The following CNTN4 variants were observed in gnomAD, a reference collection of about 807,000 sequenced individuals.
CNTN4 encodes the protein contactin-4.
In CNTN4, 77 loss-of-function variants were observed where a neutral mutation model predicts 122.5. That is an observed-to-expected ratio of 0.63 (90% CI 0.52 to 0.76). The LOEUF (loss-of-function observed/expected upper bound fraction) is 0.76, where lower values mean the gene tolerates loss of function less well. Among genes scored for constraint, CNTN4 ranks in the 30% least tolerant of loss-of-function variants. CNTN4 has a pLI of 0.00. For synonymous variants in CNTN4, 512 were observed against 447.0 expected, an observed-to-expected ratio of 1.15 and a Z score of -1.83; for missense variants, 1,256 against 1,259.1, an observed-to-expected ratio of 1.00 and a Z score of 0.04.
intron 15 of CNTN4, among the ~76,000 whole-genome samples, chr3:3,030,565 C>T (rs188029223): frequency 3.3e-5 from 5 of 152,314 alleles, no homozygotes; most frequent in Admixed American, 1.3e-4. Context: ...CACCGTAGTA[C>T]GTAGGACTTA....
intron 4 of CNTN4, among the ~76,000 whole-genome samples, chr3:2,733,571 T>A: frequency 7.2e-6 from 1 of 138,146 alleles, no homozygotes; most frequent in Non-Finnish European, 1.5e-5. Context: ...TCTCACAGCA[T>A]CGCCTGGGCT....
At position 2,745,627 on chromosome 3, in the gene CNTN4, A is replaced by T; in HGVS notation, c.288A>T (p.Gly96=). 6.2e-7 allele frequency: 1 copy of T among 1,614,188 alleles called. No homozygotes were observed. Among genetic ancestry groups the T allele is most frequent in the Non-Finnish European group, 8.5e-7 (1 of 1,179,998 alleles). Reference sequence around the variant, plus strand: ...ACCCCAATAAAACCCAAGATGCTGGAACGTACCAGTGCACAGCGACAAACT... The same window carrying T: ...ACCCCAATAAAACCCAAGATGCTGGTACGTACCAGTGCACAGCGACAAACT... ...INNPNKTQDA[G]TYQCTATNSF... Residue 96 remains glycine (G), a synonymous_variant, in exon 6 of 25, where the codon GGA becomes GGT. Transcript: ENST00000418658.
intron 6 of CNTN4, among the ~76,000 whole-genome samples, chr3:2,759,018 C>G (rs1019768433): frequency 6.6e-6 from 1 of 152,142 alleles, no homozygotes. Context: ...CTGATAACCA[C>G]TAATCTACTG....
At chr3:2,930,806 G>A (rs2094513497) in intron 13 of CNTN4, among the ~76,000 whole-genome samples, 1 of 151,654 alleles carries the variant, frequency 6.6e-6, no homozygotes. Flanking sequence ...TAGAGAGAGA[G>A]AAAAAAAAGG....
chr3:2,551,090 T>C (rs1297506338), intron 3 of CNTN4, among the ~76,000 whole-genome samples: 5 of 151,910 alleles, frequency 3.3e-5, no homozygotes, highest in Non-Finnish European at 4.4e-5. Context: ...ATCCCAGAAC[T>C]TAAAATATAA....
Position 2,125,238 on chromosome 3 carries a change from A to G in CNTN4, c.-145+24599A>G, listed in dbSNP as rs539760217. Among the ~76,000 whole-genome samples, 11 of 151,850 alleles carry G rather than the reference A, an allele frequency of 7.2e-5. No homozygotes were observed. In the South Asian group the frequency reaches 1.2e-3, roughly 17 times the overall value. ...GTATTTAACCTTCTGTAACTGCCTT[A>G]TTTCACTTAGCATACTGTCTTCCAG... is the stretch of plus-strand genomic sequence containing the variant. On this transcript the variant is annotated intron_variant, in intron 2 of 24. Coordinates refer to ENST00000418658, the MANE Select transcript of CNTN4 (RefSeq NM_175607.3).
chr3:2,539,193 T>C (rs948454385), intron 3 of CNTN4, among the ~76,000 whole-genome samples: 3 of 152,044 alleles, frequency 2.0e-5, no homozygotes, highest in Non-Finnish European at 2.9e-5. Context: ...AGGTTGACAA[T>C]TTATTCTTGA....
intron 3 of CNTN4, among the ~76,000 whole-genome samples, chr3:2,341,584 C>G (rs2044212378): frequency 6.6e-6 from 1 of 152,184 alleles, no homozygotes; most frequent in South Asian, 2.1e-4. Flanking sequence ...GATGATGCCC[C>G]TTGGACTCTA....
intron 2 of CNTN4, among the ~76,000 whole-genome samples, chr3:2,222,639 A>C (rs2039105687): frequency 6.6e-6 from 1 of 152,082 alleles, no homozygotes; most frequent in East Asian, 1.9e-4. Flanking sequence ...GGGATATAAG[A>C]ATTTATACGC....
intron 2 of CNTN4, among the ~76,000 whole-genome samples, chr3:2,257,204 A>C (rs1039988503): frequency 1.4e-4 from 22 of 152,250 alleles, no homozygotes; most frequent in Admixed American, 1.1e-3. Context: ...TTCCTTGTTT[A>C]ATAAATGGTG....
chr3:2,501,865 C>T (rs188706858), intron 3 of CNTN4, among the ~76,000 whole-genome samples: 179 of 152,292 alleles, frequency 1.2e-3, no homozygotes, highest in African/African-American at 4.0e-3. Context: ...TAAGCAACCA[C>T]GCATTGTCCA....
At chr3:3,031,072 A>G (rs1559809201) in intron 16 of CNTN4, 97 bp downstream of exon 16, 16 of 1,503,208 alleles carry the variant, frequency 1.1e-5, no homozygotes, top group Admixed American at 5.0e-5. Context: ...GAATTATGGG[A>G]AAAAGTCAGG....
intron 10 of CNTN4, among the ~76,000 whole-genome samples, chr3:2,890,483 A>C (rs976980482): frequency 4.6e-5 from 7 of 152,238 alleles, no homozygotes; most frequent in African/African-American, 1.7e-4. Context: ...TTGAGCTTAG[A>C]AACCTGCTTC....
chr3:2,867,092 A>AT (rs1369456486), intron 8 of CNTN4, 143 bp downstream of exon 8: 1 of 753,148 alleles, frequency 1.3e-6, no homozygotes, highest in African/African-American at 1.7e-5. Context: ...TGGTACCCAT[A>AT]TTTTCTCCAC....
chr3:2,900,114 C>G (rs2094157008), intron 10 of CNTN4, among the ~76,000 whole-genome samples: 1 of 152,184 alleles, frequency 6.6e-6, no homozygotes, highest in African/African-American at 2.4e-5. Context: ...CATTTTCATC[C>G]TATGTAGCTT....
intron 4 of CNTN4, among the ~76,000 whole-genome samples, chr3:2,619,501 T>C (rs2081913140): frequency 2.0e-5 from 3 of 152,240 alleles, no homozygotes; most frequent in Admixed American, 2.0e-4. Context: ...TTATTTTGTG[T>C]TTCTGTTATC....
At chr3:2,411,849 T>C (rs934036873) in intron 3 of CNTN4, among the ~76,000 whole-genome samples, 2 of 152,206 alleles carry the variant, frequency 1.3e-5, no homozygotes, top group South Asian at 2.1e-4. Flanking sequence ...GTATACATAA[T>C]GTAAAAAACC....
intron 2 of CNTN4, among the ~76,000 whole-genome samples, chr3:2,309,585 G>T (rs916529613): frequency 2.0e-5 from 3 of 152,040 alleles, no homozygotes; most frequent in Non-Finnish European, 2.9e-5. Flanking sequence ...CCTTCACATG[G>T]CAGGGAAATG....
intron 6 of CNTN4, among the ~76,000 whole-genome samples, chr3:2,754,701 C>T (rs1176164348): frequency 6.9e-6 from 1 of 143,896 alleles, no homozygotes; most frequent in African/African-American, 2.6e-5. Context: ...TTCAAGCAAG[C>T]AATCTATGAA....
Sources: allele counts gnomAD v4.1 joint callset (sites outside exome capture counted in the v4.1 genomes callset), GRCh38; gene constraint gnomAD v4.1.1; transcripts MANE v1.5; gene names NCBI Gene and HGNC (gene_info 2026-07-23, HGNC 2026-07-21).